CEP85: variants seen among roughly 807,000 people sequenced by gnomAD.
CEP85 encodes the protein centrosomal protein of 85 kDa.
Under a neutral mutation model 93.7 loss-of-function variants are expected in CEP85, and 58 were observed. The observed-to-expected ratio is 0.62, with a 90% CI of 0.50 to 0.77. The LOEUF (loss-of-function observed/expected upper bound fraction) is 0.77. Ranked by LOEUF, CEP85 falls within the 30% of genes least tolerant of loss-of-function variation. CEP85 has a pLI of 0.00. For missense variants in CEP85, 868 were observed against 922.0 expected, an observed-to-expected ratio of 0.94 and a Z score of 0.76; for synonymous variants, 314 against 338.6, an observed-to-expected ratio of 0.93 and a Z score of 0.80.
At chr1:26,234,369 T>A (rs1273197098) in intron 1 of CEP85, 59 bp downstream of exon 1, 1 of 152,194 alleles carries the variant, frequency 6.6e-6, no homozygotes, top group African/African-American at 2.4e-5. Flanking sequence ...TCTCCTCCCA[T>A]AGCTCCGGCG....
Position 26,239,846 on chromosome 1 carries a change from G to T in CEP85, c.55+8G>T, listed in dbSNP as rs1263145092. 3 of 1,608,574 alleles carry T rather than the reference G, an allele frequency of 1.9e-6. No individual in the cohort carries two copies. Among genetic ancestry groups the T allele is most frequent in the African/African-American group, 1.3e-5 (1 of 74,802 alleles). On this transcript the variant is annotated splice_region_variant and intron_variant, in intron 2 of 13. Transcript: ENST00000451429. ...CTCACGTCACTTCACCGAGTGAGTA[G>T]TCAGAAGTTTTCTGGGTTAAATTCT...
Position 26,255,181 on chromosome 1 carries a change from C to T in CEP85, c.219C>T (p.Ser73=), listed in dbSNP as rs749155203. 1 of 1,612,634 alleles carries T rather than the reference C, an allele frequency of 6.2e-7. No homozygotes were observed. The highest frequency in any genetic ancestry group is 8.5e-7 in the Non-Finnish European group (1 of 1,179,088). Residue 73 remains serine (S), a synonymous_variant, in exon 4 of 14, where the codon AGC becomes AGT. Coordinates refer to ENST00000451429, the MANE Select transcript of CEP85 (RefSeq NM_001319944.2). ...CTATTCTCTCCCCAGATTTTTGCAG[C>T]TCAAGTGGCAGTCCTCCTTTCCAGC... ...SCSDIAEDFC[S]SSGSPPFQPI...
At chr1:26,276,294 C>T (rs577323076) in intron 12 of CEP85, among the ~76,000 whole-genome samples, 1 of 152,314 alleles carries the variant, frequency 6.6e-6, no homozygotes, top group South Asian at 2.1e-4. Context: ...GATTCAGAAC[C>T]AGTTGAGGGT....
intron 4 of CEP85, among the ~76,000 whole-genome samples, chr1:26,256,786 A>G (rs1361691615): frequency 1.3e-5 from 2 of 151,312 alleles, no homozygotes; most frequent in Admixed American, 1.3e-4. Flanking sequence ...ATTAGTAGAA[A>G]CAGGGTTTCA....
intron 3 of CEP85, among the ~76,000 whole-genome samples, chr1:26,244,696 GT>G (rs2089483082): frequency 6.6e-6 from 1 of 151,994 alleles, no homozygotes; most frequent in Non-Finnish European, 1.5e-5. Flanking sequence ...AATTTTTTGT[GT>G]GTTTTTATAG....
At chr1:26,253,143 C>A (rs1191953036) in intron 3 of CEP85, among the ~76,000 whole-genome samples, 1 of 152,116 alleles carries the variant, frequency 6.6e-6, no homozygotes, top group Non-Finnish European at 1.5e-5. Context: ...TCTGTTGATT[C>A]TATAACTTGG....
chr1:26,238,514 T>C (rs2124554694), intron 1 of CEP85, among the ~76,000 whole-genome samples: 1 of 152,226 alleles, frequency 6.6e-6, no homozygotes, highest in Middle Eastern at 3.4e-3. Flanking sequence ...CCAAACTCTT[T>C]TGGGGCTTTT....
chr1:26,258,220 G>A lies in CEP85; in HGVS notation c.1115G>A (p.Arg372His), dbSNP rs745589394. 7 of 1,613,806 alleles carry A rather than the reference G, an allele frequency of 4.3e-6. No homozygotes were observed. Among genetic ancestry groups the A allele is most frequent in the Admixed American group, 3.3e-5 (2 of 59,990 alleles). Residue 372 changes from arginine (R) to histidine (H), a missense_variant, in exon 6 of 14, where the codon CGC becomes CAC. Transcript: ENST00000451429. ...ELQVHSALLG[R>H]PAPFGDVCLL... is the part of the protein sequence containing the mutation. ...CAAGTCCACAGTGCCCTCTTGGGCC[G>A]CCCTGCCCCCTTTGGTGATGTCTGC... is the stretch of plus-strand genomic sequence containing the variant.
intron 7 of CEP85, among the ~76,000 whole-genome samples, chr1:26,261,930 G>T (rs537164520): frequency 3.0e-4 from 46 of 152,164 alleles, no homozygotes; most frequent in African/African-American, 1.0e-3. Context: ...CAGCATATGG[G>T]GAGGCCAAGG....
At chr1:26,270,890 T>C in intron 9 of CEP85, 124 bp from the exon 10 acceptor site, 2 of 635,700 alleles carry the variant, frequency 3.1e-6, no homozygotes, top group Non-Finnish European at 5.7e-6. Context: ...CAGACCCAAG[T>C]ATTATCCCCA....
chr1:26,248,745 G>A (rs1404651858), intron 3 of CEP85, among the ~76,000 whole-genome samples: 1 of 5,206 alleles, frequency 1.9e-4, no homozygotes, highest in Non-Finnish European at 4.7e-4. Flanking sequence ...TTTTTTTTTT[G>A]AGACCGAGTC....
chr1:26,256,101 T>C (rs2089695936), intron 4 of CEP85, among the ~76,000 whole-genome samples: 1 of 152,176 alleles, frequency 6.6e-6, no homozygotes, highest in Non-Finnish European at 1.5e-5. Flanking sequence ...CCTAAAAACG[T>C]ATTTATACGT....
chr1:26,252,547 A>G (rs1238877776), intron 3 of CEP85, among the ~76,000 whole-genome samples: 2 of 152,174 alleles, frequency 1.3e-5, no homozygotes, highest in Admixed American at 1.3e-4. Flanking sequence ...AAATAAAACA[A>G]AAAATTGTAT....
intron 7 of CEP85, among the ~76,000 whole-genome samples, chr1:26,261,220 C>T (rs2124592070): frequency 6.6e-6 from 1 of 152,062 alleles, no homozygotes; most frequent in Non-Finnish European, 1.5e-5. Flanking sequence ...TGCTTGTAAT[C>T]CCTGCACTTT....
rs201534703 is a variant in CEP85, at chr1:26,268,503, T to C, written c.1362T>C (p.His454=). 9.3e-6 allele frequency: 15 copies of C among 1,614,020 alleles called. No homozygotes were observed. In the South Asian group the frequency reaches 1.3e-4, roughly 14 times the overall value. Residue 454 remains histidine (H), a synonymous_variant, in exon 8 of 14, where the codon CAT becomes CAC. Transcript: ENST00000451429. ...QEERVKGRDK[H]INNLKKKCQK... Reference sequence around the variant, plus strand: ...CCTAGGTCAAAGGTCGTGATAAACATATCAATAATTTGAAAAAGAAATGCC... The same window carrying C: ...CCTAGGTCAAAGGTCGTGATAAACACATCAATAATTTGAAAAAGAAATGCC...
At position 26,238,672 on chromosome 1, in the gene CEP85, T is replaced by C. The variant is rs562202470; in HGVS notation, c.-22-1090T>C. Among the ~76,000 whole-genome samples the C allele has an allele frequency of 3.9e-5, 6 of 152,276 alleles. No homozygotes were observed. The East Asian group carries it at 1.2e-3, about 29-fold the overall frequency. On this transcript the variant is annotated intron_variant, in intron 1 of 13. Coordinates refer to ENST00000451429, the MANE Select transcript of CEP85 (RefSeq NM_001319944.2). ...TAATTATAAGTGAATTAACATGAAT[T>C]AGGTTGTGTTGTTATCCTCATTTTT...
chr1:26,259,498 C>A, intron 6 of CEP85, 119 bp from the exon 7 acceptor site: 1 of 984,912 alleles, frequency 1.0e-6, no homozygotes, highest in Non-Finnish European at 1.5e-6. Context: ...TTGAGAACCA[C>A]TTCTTAAAGA....
Position 26,255,633 on chromosome 1 carries a change from A to C in CEP85, c.671A>C (p.Glu224Ala). The C allele has an allele frequency of 6.2e-7, 1 of 1,614,084 alleles. No individual in the cohort carries two copies. Among genetic ancestry groups the C allele is most frequent in the East Asian group, 2.2e-5 (1 of 44,872 alleles). The change falls in exon 4 of 14, where the codon GAG becomes GCG. Residue 224 changes from glutamate (E) to alanine (A), a missense_variant. Coordinates refer to ENST00000451429, the MANE Select transcript of CEP85 (RefSeq NM_001319944.2). ...AAGGAGTTGTACAGAGTGTTGCCTG[A>C]GGCCAAGAAGGCACCGGGCAGCGGG... is the stretch of plus-strand genomic sequence containing the variant. ...TSKELYRVLP[E>A]AKKAPGSGAV...
At chr1:26,265,887 G>A (rs1056491134) in intron 7 of CEP85, among the ~76,000 whole-genome samples, 11 of 151,954 alleles carry the variant, frequency 7.2e-5, no homozygotes, top group Admixed American at 1.3e-4. Context: ...AGAACAGCCT[G>A]GGCAACATGA....
Sources: allele counts gnomAD v4.1 joint callset (sites outside exome capture counted in the v4.1 genomes callset), GRCh38; gene constraint gnomAD v4.1.1; transcripts MANE v1.5; gene names NCBI Gene and HGNC (gene_info 2026-07-23, HGNC 2026-07-21).